Variants in ENTREP2 observed in about 807,000 individuals in gnomAD.
ENTREP2 encodes protein ENTREP2.
chr15:29,444,226 GAAAGAAAGAAAGAAAGAA>G, the ENTREP2 span, among the ~76,000 whole-genome samples: 1 of 148,542 alleles, frequency 6.7e-6, no homozygotes, highest in African/African-American at 2.5e-5. Context: ...AAGAAAGAAA[GAAAGAAAGAAAGAAAGAA>G]AGAAAGAGAA....
the ENTREP2 span, among the ~76,000 whole-genome samples, chr15:29,233,008 T>C: frequency 6.6e-5 from 10 of 152,354 alleles, no homozygotes; most frequent in South Asian, 1.9e-3. Flanking sequence ...CCTTTTCAGA[T>C]GTCCCTTCAT....
the ENTREP2 span, among the ~76,000 whole-genome samples, chr15:29,159,709 G>A: frequency 4.6e-5 from 7 of 151,996 alleles, no homozygotes; most frequent in Non-Finnish European, 1.0e-4. Context: ...ACAGAGTGTC[G>A]ATTGGTGCAT....
chr15:29,555,376 A>G, the ENTREP2 span, among the ~76,000 whole-genome samples: 1 of 152,258 alleles, frequency 6.6e-6, no homozygotes, highest in Admixed American at 6.5e-5. Context: ...TGGGGCTACT[A>G]GACCGGACAA....
At chr15:29,440,116 G>A in the ENTREP2 span, among the ~76,000 whole-genome samples, 1 of 152,154 alleles carries the variant, frequency 6.6e-6, no homozygotes, top group African/African-American at 2.4e-5. Flanking sequence ...GAGATTAGAG[G>A]AGATTCAAGA....
At chr15:29,516,968 CAAAAAAAAAA>C in the ENTREP2 span, among the ~76,000 whole-genome samples, 304 of 88,654 alleles carry the variant, frequency 3.4e-3, 2 homozygotes, top group African/African-American at 0.013. Flanking sequence ...AATTATGAGC[CAAAAAAAAAA>C]AAAAAAAAAC....
chr15:29,443,322 A>C, the ENTREP2 span, among the ~76,000 whole-genome samples: 1 of 152,144 alleles, frequency 6.6e-6, no homozygotes, highest in South Asian at 2.1e-4. Flanking sequence ...CAAGGTTCCT[A>C]CCAGACCCTC....
chr15:29,428,999 C>A, the ENTREP2 span, among the ~76,000 whole-genome samples: 3 of 152,192 alleles, frequency 2.0e-5, no homozygotes, highest in Admixed American at 2.0e-4. Flanking sequence ...ATACCCAGAT[C>A]TATTTTTACA....
At chr15:29,261,645 G>A in the ENTREP2 span, among the ~76,000 whole-genome samples, 4 of 152,112 alleles carry the variant, frequency 2.6e-5, no homozygotes, top group African/African-American at 7.2e-5. Flanking sequence ...GATTTTATAC[G>A]CAACATTTTA....
At chr15:29,231,966 A>G in the ENTREP2 span, among the ~76,000 whole-genome samples, 1 of 144,466 alleles carries the variant, frequency 6.9e-6, no homozygotes, top group South Asian at 2.3e-4. Flanking sequence ...CTTGGCTCAC[A>G]GTAACCTCCG....
chr15:29,608,522 T>TTTA, the ENTREP2 span, among the ~76,000 whole-genome samples: 11,036 of 140,400 alleles, frequency 0.079, 464 homozygotes, highest in Non-Finnish European at 0.09. Context: ...TCCTGCCTTC[T>TTTA]TTATTATTAT....
chr15:29,258,442 G>A, the ENTREP2 span, among the ~76,000 whole-genome samples: 3 of 151,514 alleles, frequency 2.0e-5, no homozygotes, highest in African/African-American at 7.3e-5. Flanking sequence ...GAACAACACA[G>A]ATGCTACGAA....
At chr15:29,371,928 A>ATAGC in the ENTREP2 span, among the ~76,000 whole-genome samples, 1 of 103,454 alleles carries the variant, frequency 9.7e-6, no homozygotes, top group Non-Finnish European at 2.1e-5. Context: ...AGATAGATAG[A>ATAGC]TAGATAGATA....
At chr15:29,297,530 G>T in the ENTREP2 span, among the ~76,000 whole-genome samples, 12 of 152,272 alleles carry the variant, frequency 7.9e-5, no homozygotes, top group East Asian at 2.1e-3. Context: ...TGTAGAATTA[G>T]AATATCATCA....
the ENTREP2 span, among the ~76,000 whole-genome samples, chr15:29,165,952 A>G: frequency 6.6e-6 from 1 of 152,240 alleles, no homozygotes; most frequent in Admixed American, 6.5e-5. Flanking sequence ...ATCCAACAAC[A>G]TATCAAAAAG....
chr15:29,395,480 C>T, the ENTREP2 span, among the ~76,000 whole-genome samples: 5 of 151,758 alleles, frequency 3.3e-5, no homozygotes, highest in East Asian at 3.9e-4. Flanking sequence ...TTTATAATAG[C>T]CATTCTGATG....
At chr15:29,235,962 CA>C in the ENTREP2 span, among the ~76,000 whole-genome samples, 59,360 of 149,044 alleles carry the variant, frequency 0.4, 11,911 homozygotes, top group East Asian at 0.6. Context: ...GACTCCATCT[CA>C]AAAAAAACAA....
the ENTREP2 span, among the ~76,000 whole-genome samples, chr15:29,573,263 A>C: frequency 2.6e-5 from 4 of 152,196 alleles, no homozygotes; most frequent in Admixed American, 2.6e-4. Context: ...GTTTGCATCC[A>C]AAGGGAGAGA....
the ENTREP2 span, among the ~76,000 whole-genome samples, chr15:29,290,735 C>G: frequency 6.6e-6 from 1 of 152,322 alleles, no homozygotes; most frequent in East Asian, 1.9e-4. Context: ...GTGGGCCTCA[C>G]CAGTAGGTTC....
the ENTREP2 span, chr15:29,376,982 A>C: frequency 4.6e-5 from 7 of 152,164 alleles, no homozygotes; most frequent in Non-Finnish European, 1.0e-4. Flanking sequence ...CACTATCCTG[A>C]GGGATACGCC....
Sources: gnomAD v4.1 joint callset for allele counts (sites outside exome capture counted in the v4.1 genomes callset) on GRCh38, gnomAD v4.1.1 for gene constraint, MANE v1.5 for transcripts, NCBI Gene and HGNC (gene_info 2026-07-23, HGNC 2026-07-21) for gene names.